FBN2: variants seen among roughly 807,000 people sequenced by gnomAD.
FBN2 encodes fibrillin-2.
Under a neutral mutation model 355.6 loss-of-function variants are expected in FBN2, and 105 were observed. The ratio of observed to expected loss-of-function variants is 0.30; its 90% CI spans 0.25 to 0.35. FBN2 has a LOEUF of 0.35. Ranked by LOEUF, FBN2 falls within the 10% of genes least tolerant of loss-of-function variation. FBN2 has a pLI of 1.00. For missense variants in FBN2, 3,280 were observed against 3,758.7 expected (o/e 0.87, Z 3.33); for synonymous variants, 1,350 against 1,301.2 (o/e 1.04, Z -0.81).
intron 5 of FBN2, among the ~76,000 whole-genome samples, chr5:128,482,172 G>T (rs1239772326): frequency 6.6e-6 from 1 of 152,030 alleles, no homozygotes; most frequent in Non-Finnish European, 1.5e-5. Context: ...GCTATGGAGA[G>T]AAAATGTGGA....
chr5:128,324,320 T>C (rs1257586524), intron 34 of FBN2, among the ~76,000 whole-genome samples: 1 of 152,242 alleles, frequency 6.6e-6, no homozygotes. Context: ...TTTCTTGTCT[T>C]CTGCTAGCTA....
At chr5:128,316,582 A>G (rs111335928) in intron 36 of FBN2, among the ~76,000 whole-genome samples, 1 of 152,168 alleles carries the variant, frequency 6.6e-6, no homozygotes, top group East Asian at 1.9e-4. Flanking sequence ...TTGTGCAAAC[A>G]TATTATCTGC....
At chr5:128,407,313 C>G (rs929575200) in intron 8 of FBN2, among the ~76,000 whole-genome samples, 7 of 152,168 alleles carry the variant, frequency 4.6e-5, no homozygotes, top group African/African-American at 1.7e-4. Flanking sequence ...ATACTTATCA[C>G]ACAGGGCTAT....
intron 20 of FBN2, 144 bp from the exon 21 acceptor site, chr5:128,351,149 G>A: frequency 1.0e-6 from 1 of 959,254 alleles, no homozygotes; most frequent in Non-Finnish European, 1.6e-6. Flanking sequence ...TTGGGAGGCT[G>A]AGGAGGAAGG....
chr5:128,298,717 T>C (rs1427985527), intron 48 of FBN2, among the ~76,000 whole-genome samples: 1 of 152,178 alleles, frequency 6.6e-6, no homozygotes, highest in African/African-American at 2.4e-5. Context: ...TCTGTATTGG[T>C]TATTCTAGTT....
intron 19 of FBN2, among the ~76,000 whole-genome samples, chr5:128,360,556 G>C (rs748602779): frequency 1.6e-4 from 25 of 151,930 alleles, no homozygotes; most frequent in Non-Finnish European, 2.5e-4. Context: ...TTATGCTGAA[G>C]TTTTCTTTTT....
chr5:128,480,236 A>G (rs1015395091), intron 5 of FBN2, among the ~76,000 whole-genome samples: 3 of 149,708 alleles, frequency 2.0e-5, no homozygotes, highest in African/African-American at 7.3e-5. Context: ...CATGGTATTA[A>G]AACTTTCAAG....
intron 5 of FBN2, among the ~76,000 whole-genome samples, chr5:128,478,156 G>T (rs1032876493): frequency 2.0e-4 from 31 of 152,190 alleles, no homozygotes; most frequent in African/African-American, 6.8e-4. Flanking sequence ...CTGAGTGGAT[G>T]AACTATGAGT....
Position 128,395,124 on chromosome 5 carries a change from G to A in FBN2, c.1229C>T (p.Ser410Phe). The change falls in exon 9 of 65, where the codon TCT becomes TTT. Residue 410 changes from serine to phenylalanine, a missense_variant and splice_region_variant. Physicochemically the swap from Ser to Phe is radical, Grantham distance 155. Transcript: ENST00000262464. Reference sequence around the variant, plus strand: ...GAGACTAACAGCCAGCCACGTACCAGAACCTCTGACAGGACAGGCTTCAGG... The same window carrying A: ...GAGACTAACAGCCAGCCACGTACCAAAACCTCTGACAGGACAGGCTTCAGG... ...TIPEACPVRG[S>F]EEYRRLCMDG... The A allele has an allele frequency of 1.2e-6, 2 of 1,614,056 alleles. No individual in the cohort carries two copies. Among genetic ancestry groups the A allele is most frequent in the Non-Finnish European group, 1.7e-6 (2 of 1,179,972 alleles).
At chr5:128,369,058 G>T in intron 16 of FBN2, 124 bp downstream of exon 16, 1 of 981,214 alleles carries the variant, frequency 1.0e-6, no homozygotes, top group Non-Finnish European at 1.6e-6. Context: ...ATACAGGATT[G>T]GATTTCTCTT....
intron 12 of FBN2, 118 bp downstream of exon 12, chr5:128,378,653 T>C: frequency 9.1e-7 from 1 of 1,095,268 alleles, no homozygotes; most frequent in Non-Finnish European, 1.4e-6. Context: ...TACAAATAAA[T>C]CTGTAATAAT....
chr5:128,351,078 G>A (rs1274629800), intron 20 of FBN2, 73 bp from the exon 21 acceptor site: 1 of 1,560,922 alleles, frequency 6.4e-7, no homozygotes, highest in East Asian at 2.2e-5. Flanking sequence ...TACACAAAAG[G>A]CATTTGTTAC....
intron 18 of FBN2, 121 bp from the exon 19 acceptor site, chr5:128,361,969 G>A: frequency 3.0e-6 from 3 of 991,518 alleles, no homozygotes; most frequent in Non-Finnish European, 4.8e-6. Context: ...CATAGTCTCT[G>A]TATCACAGCG....
At chr5:128,501,128 G>T (rs1318139977) in intron 5 of FBN2, among the ~76,000 whole-genome samples, 1 of 152,208 alleles carries the variant, frequency 6.6e-6, no homozygotes, top group African/African-American at 2.4e-5. Flanking sequence ...AAGATTTTCT[G>T]ATAGCAATGG....
rs1273354021 is a variant in FBN2, at chr5:128,537,362, T to A, written c.242A>T (p.Asp81Val). The A allele has an allele frequency of 1.2e-6, 2 of 1,610,778 alleles. No individual in the cohort carries two copies. The change falls in exon 1 of 65, where the codon GAC becomes GTC. Residue 81 changes from aspartate to valine, a missense_variant. Transcript: ENST00000262464. ...CTTGCCCACTTACCCTCGGAGCACG[T>A]CCTGCTGTCCTCGCCGGCGGACGCG... is the stretch of plus-strand genomic sequence containing the variant. The part of the protein sequence containing the change: ...ASRVRRRGQQ[D>V]VLRGPNVCGS...
intron 5 of FBN2, 83 bp downstream of exon 5, chr5:128,519,190 A>G: frequency 1.1e-6 from 1 of 909,286 alleles, no homozygotes; most frequent in Non-Finnish European, 1.8e-6. Context: ...CATTAGCAGA[A>G]TCTTCATTGA....
chr5:128,385,252 T>C (rs1361366711), intron 11 of FBN2, among the ~76,000 whole-genome samples: 1 of 152,070 alleles, frequency 6.6e-6, no homozygotes, highest in East Asian at 1.9e-4. Flanking sequence ...TCTTGTTCCC[T>C]TGTGTTCACA....
intron 5 of FBN2, among the ~76,000 whole-genome samples, chr5:128,468,833 C>T (rs774810582): frequency 2.0e-5 from 3 of 152,136 alleles, no homozygotes; most frequent in Non-Finnish European, 4.4e-5. Flanking sequence ...ATATAATACA[C>T]TTGCTAAAAT....
intron 7 of FBN2, among the ~76,000 whole-genome samples, chr5:128,445,902 CA>C (rs1268333869): frequency 2.5e-4 from 38 of 151,926 alleles, no homozygotes; most frequent in African/African-American, 9.2e-4. Context: ...TATTATAATC[CA>C]TATTTAATAT....
Sources: gnomAD v4.1 joint callset for allele counts (sites outside exome capture counted in the v4.1 genomes callset) on GRCh38, gnomAD v4.1.1 for gene constraint, MANE v1.5 for transcripts, NCBI Gene and HGNC (gene_info 2026-07-23, HGNC 2026-07-21) for gene names.